Variants in SLC4A4 observed in about 807,000 individuals in gnomAD.
SLC4A4 encodes the protein electrogenic sodium bicarbonate cotransporter 1.
A neutral mutation model predicts 111.5 loss-of-function variants in SLC4A4; 27 were observed. That is an observed-to-expected ratio of 0.24 (90% confidence interval 0.18 to 0.33). The LOEUF (loss-of-function observed/expected upper bound fraction) is 0.33, where lower values mean the gene tolerates loss of function less well. Among genes scored for constraint, SLC4A4 ranks in the 10% least tolerant of loss-of-function variants. The pLI, the probability that SLC4A4 is intolerant of heterozygous loss-of-function variation, is 1.00. For missense variants in SLC4A4, 909 were observed against 1,315.5 expected, an observed-to-expected ratio of 0.69 and a Z score of 4.78; for synonymous variants, 443 against 463.4, an observed-to-expected ratio of 0.96 and a Z score of 0.57.
At chr4:71,381,725 C>CA (rs1553901653) in intron 6 of SLC4A4, among the ~76,000 whole-genome samples, 2 of 151,124 alleles carry the variant, frequency 1.3e-5, no homozygotes, top group African/African-American at 4.9e-5. Context: ...CCAGTTAGAC[C>CA]TTTTTTTTTG....
chr4:71,110,404 C>G (rs1743054477), intron 2 of SLC4A4, among the ~76,000 whole-genome samples: 1 of 152,050 alleles, frequency 6.6e-6, no homozygotes, highest in African/African-American at 2.4e-5. Flanking sequence ...TGGGGTTTCA[C>G]CATGTTGCTC....
At chr4:71,178,800 T>C (rs1745184711) in intron 2 of SLC4A4, among the ~76,000 whole-genome samples, 1 of 152,162 alleles carries the variant, frequency 6.6e-6, no homozygotes, top group Non-Finnish European at 1.5e-5. Context: ...TACCATTCCT[T>C]CTGAAACTAT....
At chr4:71,514,214 TC>T (rs1167616860) in intron 16 of SLC4A4, among the ~76,000 whole-genome samples, 18 of 152,154 alleles carry the variant, frequency 1.2e-4, no homozygotes, top group African/African-American at 3.4e-4. Context: ...AATTGTAATC[TC>T]CAGTGTCAGA....
chr4:71,172,428 G>C (rs1157329408), intron 2 of SLC4A4, among the ~76,000 whole-genome samples: 1 of 151,910 alleles, frequency 6.6e-6, no homozygotes, highest in African/African-American at 2.4e-5. Context: ...GCAGATTTTT[G>C]TATTTTTAGT....
intron 3 of SLC4A4, among the ~76,000 whole-genome samples, chr4:71,280,705 C>G (rs544415228): frequency 6.5e-4 from 99 of 152,040 alleles, no homozygotes; most frequent in Non-Finnish European, 1.2e-3. Flanking sequence ...TTTTATGGAT[C>G]ATACTTTTTG....
chr4:71,297,651 A>C (rs1724916632), intron 3 of SLC4A4, among the ~76,000 whole-genome samples: 1 of 144,736 alleles, frequency 6.9e-6, no homozygotes, highest in African/African-American at 2.6e-5. Flanking sequence ...GCAGTGGCGT[A>C]ATATAGGCTC....
chr4:71,143,399 C>T (rs1430524265), intron 2 of SLC4A4, among the ~76,000 whole-genome samples: 2 of 152,116 alleles, frequency 1.3e-5, no homozygotes, highest in Non-Finnish European at 2.9e-5. Context: ...AATAGTGCCG[C>T]AGTAGACATA....
chr4:71,119,837 GTC>G (rs1743368482), intron 2 of SLC4A4, among the ~76,000 whole-genome samples: 1 of 152,142 alleles, frequency 6.6e-6, no homozygotes, highest in Admixed American at 6.5e-5. Flanking sequence ...TGTTTAGTCT[GTC>G]TTTATATTGT....
At chr4:71,470,658 A>G (rs1026645613) in intron 13 of SLC4A4, among the ~76,000 whole-genome samples, 1 of 152,058 alleles carries the variant, frequency 6.6e-6, no homozygotes, top group African/African-American at 2.4e-5. Context: ...AACAGAACCC[A>G]TAAAATGTGA....
rs55908599 is a variant in SLC4A4 at position 71,515,610 on chromosome 4, T to C, written c.2167-16452T>C. Among the ~76,000 whole-genome samples, 1,378 of 152,294 alleles carry C rather than the reference T, an allele frequency of 9.0e-3. 21 individuals are homozygous for C. The highest frequency in any genetic ancestry group is 0.03 in the African/African-American group (1,260 of 41,552). On this transcript the variant is annotated intron_variant, in intron 16 of 25. Transcript: ENST00000264485. ...ACTGTTATTGTATTGCATTCCGTCT[T>C]TTCAGGTCTAGTAATATTTGCTTTA... is the stretch of plus-strand genomic sequence containing the variant.
rs569114070 is a variant in SLC4A4, at chr4:71,432,465, T to G, written c.808-8151T>G. Among the ~76,000 whole-genome samples the G allele has an allele frequency of 4.6e-5, 7 of 152,246 alleles. No homozygotes were observed. The South Asian group carries it at 1.4e-3, about 32-fold the overall frequency. On this transcript the variant is annotated intron_variant, in intron 7 of 25. Transcript: ENST00000264485. The stretch of plus-strand genomic sequence containing the variant: ...TAATAACAGTCTTGGCAACTTGATG[T>G]TTTTTTAGGCCCTTCCCATGGATAT...
At chr4:71,068,269 TAGTC>T (rs1373340772) in intron 1 of SLC4A4, among the ~76,000 whole-genome samples, 65 of 152,164 alleles carry the variant, frequency 4.3e-4, no homozygotes, top group Non-Finnish European at 6.6e-4. Flanking sequence ...TTCACCATGT[TAGTC>T]AGGCTGGTCT....
chr4:71,091,318 T>C (rs984334260), intron 1 of SLC4A4, among the ~76,000 whole-genome samples: 1 of 149,346 alleles, frequency 6.7e-6, no homozygotes, highest in African/African-American at 2.5e-5. Context: ...AGTGGCATGA[T>C]CTTGGCTCAC....
At chr4:71,503,252 T>G (rs565960712) in intron 16 of SLC4A4, among the ~76,000 whole-genome samples, 1 of 152,132 alleles carries the variant, frequency 6.6e-6, no homozygotes, top group South Asian at 2.1e-4. Flanking sequence ...TTTTTTTTTT[T>G]TTGTCCATTC....
At chr4:71,415,923 T>C (rs1049658749) in intron 7 of SLC4A4, among the ~76,000 whole-genome samples, 1 of 152,180 alleles carries the variant, frequency 6.6e-6, no homozygotes, top group African/African-American at 2.4e-5. Flanking sequence ...ATCACCTCAT[T>C]TACTCTTCTT....
In SLC4A4 at chr4:71,563,877, A is replaced by G; in HGVS notation, c.3184A>G (p.Lys1062Glu). Residue 1062 changes from lysine to glutamate, a missense_variant, in exon 24 of 26, where the codon AAA becomes GAA. Lys to Glu is a moderately conservative substitution (Grantham distance 56). Transcript: ENST00000264485. ...MEQQPFLSDS[K>E]PSDRERSPTF... The stretch of plus-strand genomic sequence containing the variant: ...ACAGCAACCTTTCCTAAGCGATAGC[A>G]AACCTTCTGACAGTGAGTAGAACTA... 6.2e-7 allele frequency: 1 copy of G among 1,606,336 alleles called. No individual in the cohort carries two copies. Among genetic ancestry groups the G allele is most frequent in the Non-Finnish European group, 8.5e-7 (1 of 1,173,638 alleles).
intron 6 of SLC4A4, among the ~76,000 whole-genome samples, chr4:71,360,636 A>T (rs760443464): frequency 6.6e-6 from 1 of 152,168 alleles, no homozygotes; most frequent in African/African-American, 2.4e-5. Context: ...TATTTGTTGG[A>T]TATTTGATGG....
At chr4:71,101,644 A>C (rs578081294) in intron 2 of SLC4A4, among the ~76,000 whole-genome samples, 4,050 of 152,132 alleles carry the variant, frequency 0.027, 175 homozygotes, top group African/African-American at 0.082. Context: ...CTGGGAGGCA[A>C]CCCCCAGCAG....
At chr4:71,203,758 G>A (rs1273598175) in intron 1 of SLC4A4, among the ~76,000 whole-genome samples, 3 of 152,126 alleles carry the variant, frequency 2.0e-5, no homozygotes, top group African/African-American at 7.2e-5. Context: ...GAGTATAAAG[G>A]TTAATCAAGT....
Sources: gnomAD v4.1 joint callset for allele counts (sites outside exome capture counted in the v4.1 genomes callset) on GRCh38, gnomAD v4.1.1 for gene constraint, MANE v1.5 for transcripts, NCBI Gene and HGNC (gene_info 2026-07-23, HGNC 2026-07-21) for gene names.